The following MCTP1 variants were observed in gnomAD, a reference collection of about 807,000 sequenced individuals.
MCTP1 encodes the protein multiple C2 and transmembrane domain-containing protein 1.
Under a neutral mutation model 120.6 loss-of-function variants are expected in MCTP1, and 69 were observed. That is an observed-to-expected ratio of 0.57 (90% CI 0.47 to 0.70). The LOEUF is 0.70. MCTP1 is among the 30% of genes least tolerant of loss of function. The pLI is 0.00. For missense variants in MCTP1, 1,203 were observed against 1,248.8 expected, an observed-to-expected ratio of 0.96 and a Z score of 0.55; for synonymous variants, 529 against 493.1, an observed-to-expected ratio of 1.07 and a Z score of -0.96.
chr5:94,738,283 GT>G (rs1015856938), intron 19 of MCTP1, among the ~76,000 whole-genome samples: 1 of 152,028 alleles, frequency 6.6e-6, no homozygotes, highest in Admixed American at 6.5e-5. Context: ...TTGCCTTATC[GT>G]TGTGGTCCTG....
chr5:95,113,503 G>A (rs559726378), intron 1 of MCTP1, among the ~76,000 whole-genome samples: 5 of 152,070 alleles, frequency 3.3e-5, no homozygotes, highest in Non-Finnish European at 4.4e-5. Context: ...GTGAGACAAC[G>A]TATATTGAAC....
intron 1 of MCTP1, among the ~76,000 whole-genome samples, chr5:95,157,167 T>G (rs1393490807): frequency 6.6e-6 from 1 of 152,204 alleles, no homozygotes; most frequent in Non-Finnish European, 1.5e-5. Context: ...CTCATTTGGG[T>G]TAAAATAGTC....
intron 17 of MCTP1, among the ~76,000 whole-genome samples, chr5:94,824,464 T>A (rs36727): frequency 0.48 from 73,543 of 151,950 alleles, 21,563 homozygotes; most frequent in Non-Finnish European, 0.68. Flanking sequence ...TACTGAGGAT[T>A]TTCGCACCTC....
intron 1 of MCTP1, among the ~76,000 whole-genome samples, chr5:95,208,782 T>C (rs1751978747): frequency 6.6e-6 from 1 of 152,138 alleles, no homozygotes; most frequent in Non-Finnish European, 1.5e-5. Flanking sequence ...TTTGATGCTA[T>C]TTCAATGGAC....
intron 1 of MCTP1, among the ~76,000 whole-genome samples, chr5:95,148,264 G>T (rs1412465059): frequency 2.0e-5 from 3 of 151,872 alleles, no homozygotes; most frequent in Non-Finnish European, 4.4e-5. Flanking sequence ...GGCAAGATTG[G>T]GATAATTTTC....
At chr5:94,733,947 T>G (rs1192714538) in intron 19 of MCTP1, among the ~76,000 whole-genome samples, 1 of 137,578 alleles carries the variant, frequency 7.3e-6, no homozygotes, top group Non-Finnish European at 1.5e-5. Context: ...CTAGGCAACA[T>G]AGCAAGACTC....
chr5:94,714,103 A>G (rs306575), intron 20 of MCTP1, among the ~76,000 whole-genome samples: 114,121 of 151,936 alleles, frequency 0.75, 43,210 homozygotes, highest in East Asian at 0.97. Context: ...AAAATATAAC[A>G]TTAGTTTAGA....
At position 94,714,847 on chromosome 5, in the gene MCTP1, T is replaced by C; in HGVS notation, c.2650A>G (p.Ile884Val). ...TGGACACTGACACATACCTCCTGGATGGCATAGATTTTATTTATAAATCCC... is the reference window on the plus strand; with the variant it reads ...TGGACACTGACACATACCTCCTGGACGGCATAGATTTTATTTATAAATCCC... ...KKGFINKIYA[I>V]QEVCVSVQNI... Residue 884 changes from isoleucine to valine, a missense_variant, in exon 20 of 23, where the codon ATC becomes GTC. Transcript: ENST00000515393. The C allele has an allele frequency of 6.2e-7, 1 of 1,612,902 alleles. No homozygotes were observed. The highest frequency in any genetic ancestry group is 8.5e-7 in the Non-Finnish European group (1 of 1,178,994).
At chr5:94,926,289 G>A (rs1813104142) in intron 6 of MCTP1, among the ~76,000 whole-genome samples, 1 of 152,144 alleles carries the variant, frequency 6.6e-6, no homozygotes, top group Non-Finnish European at 1.5e-5. Context: ...TCAAATCTAA[G>A]AGTCAAGTCA....
In MCTP1 at chr5:94,927,596, T is replaced by A. The variant is rs545234583; in HGVS notation, c.1213-3575A>T. The stretch of plus-strand genomic sequence containing the variant: ...CCTATTTATTATCAGGATATAATTT[T>A]TTTGTGGAAAGAACTTGATAGTTGC... On this transcript the variant is annotated intron_variant, in intron 6 of 22. Transcript: ENST00000515393. Among the ~76,000 whole-genome samples, 716 of 152,302 alleles carry A rather than the reference T, an allele frequency of 4.7e-3. 22 individuals carry two copies. The highest frequency in any genetic ancestry group is 0.043 in the Admixed American group (656 of 15,308).
intron 6 of MCTP1, chr5:94,929,755 G>T: frequency 9.6e-6 from 8 of 832,524 alleles, no homozygotes; most frequent in Non-Finnish European, 1.2e-5. Context: ...CCCGATTTTG[G>T]ATTTAACATT....
intron 1 of MCTP1, among the ~76,000 whole-genome samples, chr5:95,128,291 CTAGA>C (rs1758782356): frequency 1.3e-5 from 2 of 152,100 alleles, no homozygotes; most frequent in South Asian, 4.1e-4. Context: ...TCTTCAATGG[CTAGA>C]TATAGAATTA....
chr5:95,012,832 C>T (rs377316128), intron 2 of MCTP1, among the ~76,000 whole-genome samples: 1 of 152,044 alleles, frequency 6.6e-6, no homozygotes, highest in Non-Finnish European at 1.5e-5. Context: ...CGAAATTAGG[C>T]CCATCAATAA....
chr5:94,707,659 GAAGA>G, intron 22 of MCTP1, 92 bp from the exon 23 acceptor site: 1 of 894,826 alleles, frequency 1.1e-6, no homozygotes, highest in Non-Finnish European at 1.9e-6. Context: ...GTGCTTGGGG[GAAGA>G]AAGTGCTCAC....
intron 1 of MCTP1, among the ~76,000 whole-genome samples, chr5:95,248,592 G>T (rs1033801125): frequency 2.0e-5 from 3 of 152,212 alleles, no homozygotes; most frequent in Middle Eastern, 3.4e-3. Context: ...TGGCCAGAAT[G>T]CCCAAGGTAA....
At position 94,938,716 on chromosome 5, in the gene MCTP1, G is replaced by T. The variant is rs563930061; in HGVS notation, c.1173+1368C>A. Among the ~76,000 whole-genome samples, 5 of 152,092 alleles carry T rather than the reference G, an allele frequency of 3.3e-5. No individual in the cohort carries two copies. The South Asian group carries it at 1.0e-3, about 32-fold the overall frequency. On this transcript the variant is annotated intron_variant, in intron 5 of 22. Coordinates refer to ENST00000515393, the MANE Select transcript of MCTP1 (RefSeq NM_024717.7). ...TGGCACAGGAACTGGCTTAAAGTAG[G>T]TTCTCGGAGAATACTAGAATCATTT... is the stretch of plus-strand genomic sequence containing the variant.
intron 12 of MCTP1, among the ~76,000 whole-genome samples, chr5:94,877,016 G>T (rs1799028540): frequency 2.0e-5 from 3 of 151,934 alleles, no homozygotes; most frequent in Admixed American, 2.0e-4. Flanking sequence ...AGTTGTAAGG[G>T]CTGTAATAAA....
chr5:94,953,763 T>C (rs1307194221), intron 2 of MCTP1, among the ~76,000 whole-genome samples: 1 of 145,544 alleles, frequency 6.9e-6, no homozygotes, highest in Non-Finnish European at 1.5e-5. Flanking sequence ...TATATATATA[T>C]ATCAAATGCC....
intron 10 of MCTP1, among the ~76,000 whole-genome samples, chr5:94,908,632 A>G (rs148175824): frequency 2.0e-5 from 3 of 152,172 alleles, no homozygotes; most frequent in African/African-American, 7.2e-5. Flanking sequence ...CTATCAAAAA[A>G]TATAAACATA....
Sources: allele counts gnomAD v4.1 joint callset (sites outside exome capture counted in the v4.1 genomes callset), GRCh38; gene constraint gnomAD v4.1.1; transcripts MANE v1.5; gene names NCBI Gene and HGNC (gene_info 2026-07-23, HGNC 2026-07-21).